NBEA: variants seen among roughly 807,000 people sequenced by gnomAD.
The protein encoded by NBEA is lysosomal-trafficking regulator 2.
Under a neutral mutation model 343.4 loss-of-function variants are expected in NBEA, and 44 were observed. The observed-to-expected ratio is 0.13, with a 90% CI of 0.10 to 0.16. The LOEUF (loss-of-function observed/expected upper bound fraction) is 0.16, where lower values mean the gene tolerates loss of function less well. Ranked by LOEUF, NBEA falls within the 10% of genes least tolerant of loss-of-function variation. The pLI is 1.00. For synonymous variants in NBEA, 1,175 were observed against 1,238.7 expected (o/e 0.95, Z 1.08); for missense variants, 2,555 against 3,631.3 (o/e 0.70, Z 7.62).
At chr13:35,047,773 T>C (rs138891481) in intron 4 of NBEA, among the ~76,000 whole-genome samples, 1,224 of 25,076 alleles carry the variant, frequency 0.049, 19 homozygotes, top group African/African-American at 0.13. Context: ...CCGTGTTGTA[T>C]TTGAGAAAGG....
At chr13:35,490,902 C>A (rs2076478291) in intron 41 of NBEA, among the ~76,000 whole-genome samples, 3 of 151,896 alleles carry the variant, frequency 2.0e-5, no homozygotes, top group Non-Finnish European at 4.4e-5. Flanking sequence ...TGGCCCCAGG[C>A]TCCAGAGTGT....
intron 36 of NBEA, among the ~76,000 whole-genome samples, chr13:35,338,764 T>G (rs2039414757): frequency 6.6e-6 from 1 of 152,070 alleles, no homozygotes; most frequent in Admixed American, 6.6e-5. Context: ...CTGGCAGATC[T>G]ACGTCAGCAA....
intron 48 of NBEA, among the ~76,000 whole-genome samples, chr13:35,613,628 GTT>G (rs1246931054): frequency 6.6e-6 from 1 of 151,842 alleles, no homozygotes; most frequent in Non-Finnish European, 1.5e-5. Context: ...TTGTTTGTTT[GTT>G]TGTTTGTTTT....
At chr13:34,997,396 T>G (rs2060976240) in intron 1 of NBEA, among the ~76,000 whole-genome samples, 1 of 152,224 alleles carries the variant, frequency 6.6e-6, no homozygotes, top group Admixed American at 6.5e-5. Context: ...ATACTTTGAT[T>G]CCATTGCACA....
At chr13:35,421,507 A>T (rs780635472) in intron 38 of NBEA, among the ~76,000 whole-genome samples, 2 of 152,086 alleles carry the variant, frequency 1.3e-5, no homozygotes. Flanking sequence ...ACCAGTAAAT[A>T]TACTTAGAAC....
At position 35,672,483 on chromosome 13, in the gene NBEA, A is replaced by T. The variant is rs931313166; in HGVS notation, c.*1492A>T. 12 of 152,656 alleles carry T rather than the reference A, an allele frequency of 7.9e-5. No homozygotes were observed. Among genetic ancestry groups the T allele is most frequent in the Non-Finnish European group, 1.6e-4 (11 of 68,044 alleles). 9.5% of individuals were successfully genotyped at this position (152,656 alleles called of 1,614,324 possible). ...TTTGTATTTATGAAATTCTGAAATT[A>T]TGGGGAATCAGCGTAATGATTAAGT... On this transcript the variant is annotated 3_prime_UTR_variant, in exon 59 of 59. Coordinates refer to ENST00000379939, the MANE Select transcript of NBEA (RefSeq NM_001385012.1).
At chr13:35,143,891 C>CAAAAA (rs1299776068) in intron 18 of NBEA, among the ~76,000 whole-genome samples, 2 of 87,126 alleles carry the variant, frequency 2.3e-5, no homozygotes, top group African/African-American at 4.4e-5. Context: ...CTGTCCCCTT[C>CAAAAA]AAAAAAAAAA....
intron 34 of NBEA, among the ~76,000 whole-genome samples, chr13:35,289,875 TTTA>T (rs1453330402): frequency 2.6e-5 from 4 of 151,850 alleles, no homozygotes; most frequent in African/African-American, 9.7e-5. Context: ...TCATACATTT[TTTA>T]TTATTTTTAA....
chr13:35,196,192 T>C lies in NBEA; in HGVS notation c.5256T>C (p.Ala1752=). 1 of 1,613,678 alleles carries C rather than the reference T, an allele frequency of 6.2e-7. No homozygotes were observed. Among genetic ancestry groups the C allele is most frequent in the Non-Finnish European group, 8.5e-7 (1 of 1,179,742 alleles). ...AGGAAATACTGAAAAGTCTTGTGGCTGCTCCAGTTGAAATAGCAGAATGTG... is the reference window on the plus strand; with the variant it reads ...AGGAAATACTGAAAAGTCTTGTGGCCGCTCCAGTTGAAATAGCAGAATGTG... ...NVKEILKSLV[A]APVEIAECGP... Residue 1752 remains alanine, a synonymous_variant, in exon 31 of 59, where the codon GCT becomes GCC. Coordinates refer to ENST00000379939, the MANE Select transcript of NBEA (RefSeq NM_001385012.1).
chr13:35,494,584 A>G (rs1375242433), intron 41 of NBEA, among the ~76,000 whole-genome samples: 3 of 152,062 alleles, frequency 2.0e-5, no homozygotes, highest in Non-Finnish European at 2.9e-5. Context: ...AAGTGAAGGA[A>G]TGGCAAAAGA....
chr13:35,642,647 A>T (rs1423793442), intron 49 of NBEA, among the ~76,000 whole-genome samples: 2 of 152,230 alleles, frequency 1.3e-5, no homozygotes, highest in Non-Finnish European at 2.9e-5. Flanking sequence ...TGCCCAGGTC[A>T]TGTGAGTGGT....
At chr13:35,130,491 G>A (rs1351739953) in intron 17 of NBEA, among the ~76,000 whole-genome samples, 1 of 151,344 alleles carries the variant, frequency 6.6e-6, no homozygotes, top group Admixed American at 6.6e-5. Context: ...GGATGAAGGG[G>A]GCCACCATGT....
At chr13:35,279,249 A>G (rs996014210) in intron 34 of NBEA, among the ~76,000 whole-genome samples, 2 of 152,226 alleles carry the variant, frequency 1.3e-5, no homozygotes, top group Admixed American at 6.5e-5. Context: ...GGATCATGAT[A>G]TGAAATGTAT....
chr13:35,099,697 T>G (rs547837372), intron 11 of NBEA, among the ~76,000 whole-genome samples: 1 of 152,270 alleles, frequency 6.6e-6, no homozygotes, highest in African/African-American at 2.4e-5. Context: ...TTTTCTGATC[T>G]ACGCATAATA....
At chr13:35,244,140 G>C (rs2030801822) in intron 34 of NBEA, among the ~76,000 whole-genome samples, 1 of 151,576 alleles carries the variant, frequency 6.6e-6, no homozygotes, top group African/African-American at 2.4e-5. Context: ...AGGAAATGTA[G>C]AAACTCCATA....
intron 34 of NBEA, among the ~76,000 whole-genome samples, chr13:35,268,629 A>G (rs1174133012): frequency 6.6e-6 from 1 of 152,112 alleles, no homozygotes; most frequent in Admixed American, 6.6e-5. Flanking sequence ...CCCTGTTGCA[A>G]AAAATCTTGA....
At chr13:35,103,532 G>A (rs565477076) in intron 11 of NBEA, among the ~76,000 whole-genome samples, 1 of 151,338 alleles carries the variant, frequency 6.6e-6, no homozygotes, top group Non-Finnish European at 1.5e-5. Context: ...CATCTACACA[G>A]TACCTTACTC....
intron 34 of NBEA, among the ~76,000 whole-genome samples, chr13:35,287,485 C>A (rs1409899317): frequency 6.6e-6 from 1 of 152,016 alleles, no homozygotes; most frequent in Non-Finnish European, 1.5e-5. Context: ...GGTTTTCACC[C>A]TAGCCCTCCA....
intron 10 of NBEA, among the ~76,000 whole-genome samples, chr13:35,094,420 C>T (rs140253768): frequency 3.9e-4 from 59 of 152,126 alleles, no homozygotes; most frequent in African/African-American, 1.4e-3. Flanking sequence ...CTGCATTTAC[C>T]GCCTATGTAG....
Sources: allele counts gnomAD v4.1 joint callset (sites outside exome capture counted in the v4.1 genomes callset), GRCh38; gene constraint gnomAD v4.1.1; transcripts MANE v1.5; gene names NCBI Gene and HGNC (gene_info 2026-07-23, HGNC 2026-07-21).